GRID2: variants seen among roughly 807,000 people sequenced by gnomAD.
GRID2 encodes the protein glutamate ionotropic receptor delta type subunit 2, also known as glutamate receptor ionotropic, delta-2.
Under a neutral mutation model 114.8 loss-of-function variants are expected in GRID2, and 33 were observed. The ratio of observed to expected loss-of-function variants is 0.29; its 90% CI spans 0.22 to 0.38. The LOEUF (loss-of-function observed/expected upper bound fraction) is 0.38, where lower values mean the gene tolerates loss of function less well. GRID2 is among the 10% of genes least tolerant of loss of function. GRID2 has a pLI of 1.00. For missense variants in GRID2, 1,184 were observed against 1,257.7 expected, an observed-to-expected ratio of 0.94 and a Z score of 0.89; for synonymous variants, 505 against 449.9, an observed-to-expected ratio of 1.12 and a Z score of -1.55.
intron 1 of GRID2, among the ~76,000 whole-genome samples, chr4:92,323,411 G>A (rs1726423424): frequency 6.6e-6 from 1 of 151,900 alleles, no homozygotes; most frequent in Admixed American, 6.6e-5. Flanking sequence ...TTTTGTCTCA[G>A]GTGTGCCCTT....
At chr4:92,615,482 G>A (rs952973002) in intron 2 of GRID2, among the ~76,000 whole-genome samples, 9 of 151,516 alleles carry the variant, frequency 5.9e-5, no homozygotes, top group Non-Finnish European at 8.9e-5. Flanking sequence ...GCAGTTCATC[G>A]TTATACCATC....
chr4:93,343,680 A>AG (rs1759892591), intron 8 of GRID2, among the ~76,000 whole-genome samples: 1 of 151,696 alleles, frequency 6.6e-6, no homozygotes, highest in Non-Finnish European at 1.5e-5. Flanking sequence ...CATCAAAAAA[A>AG]TTTTTTTAAA....
At chr4:93,513,573 C>T (rs745877109) in intron 12 of GRID2, among the ~76,000 whole-genome samples, 18 of 152,060 alleles carry the variant, frequency 1.2e-4, no homozygotes, top group Non-Finnish European at 2.2e-4. Context: ...TGGTAGAATC[C>T]GTTCAATATT....
intron 2 of GRID2, among the ~76,000 whole-genome samples, chr4:92,940,299 T>C (rs889630409): frequency 6.8e-6 from 1 of 147,088 alleles, no homozygotes; most frequent in African/African-American, 2.4e-5. Flanking sequence ...GTAAATTGGA[T>C]TCCTAGGTAT....
At chr4:92,766,478 G>A (rs958024415) in intron 2 of GRID2, among the ~76,000 whole-genome samples, 8 of 150,274 alleles carry the variant, frequency 5.3e-5, no homozygotes, top group East Asian at 4.0e-4. Context: ...TGGAGCTTGC[G>A]GTGAGCCGAG....
intron 1 of GRID2, among the ~76,000 whole-genome samples, chr4:92,433,062 G>A (rs1010138941): frequency 3.3e-5 from 5 of 152,220 alleles, no homozygotes; most frequent in African/African-American, 9.6e-5. Flanking sequence ...GACCTGGGAT[G>A]GGGGCCTCTG....
intron 2 of GRID2, among the ~76,000 whole-genome samples, chr4:92,921,654 G>C (rs1050878472): frequency 2.0e-5 from 3 of 152,172 alleles, no homozygotes; most frequent in African/African-American, 4.8e-5. Context: ...GGAGGCTGCA[G>C]AACAGCGGCT....
Position 92,665,768 on chromosome 4 carries a change from G to T in GRID2, c.244+75482G>T, listed in dbSNP as rs1732741515. ...ATAGTCCATTGCCTTCTAGACTGCAGTTTCTGATGAGAAATCTACTGATAG... is the reference window on the plus strand; with the variant it reads ...ATAGTCCATTGCCTTCTAGACTGCATTTTCTGATGAGAAATCTACTGATAG... On this transcript the variant is annotated intron_variant, in intron 2 of 15. Coordinates refer to ENST00000282020, the MANE Select transcript of GRID2 (RefSeq NM_001510.4). Among the ~76,000 whole-genome samples, 4 of 150,728 alleles carry T rather than the reference G, an allele frequency of 2.7e-5. No homozygotes were observed. In the South Asian group the frequency reaches 8.3e-4, roughly 31 times the overall value.
At chr4:93,375,868 TG>T (rs1374842266) in intron 8 of GRID2, among the ~76,000 whole-genome samples, 2 of 152,192 alleles carry the variant, frequency 1.3e-5, no homozygotes, top group Middle Eastern at 3.2e-3. Flanking sequence ...TAGAGGCTAC[TG>T]TAACAAAATT....
intron 2 of GRID2, among the ~76,000 whole-genome samples, chr4:92,878,620 C>T (rs1464678367): frequency 5.9e-5 from 9 of 152,110 alleles, no homozygotes; most frequent in Admixed American, 5.9e-4. Flanking sequence ...ACAGTGACAT[C>T]TGTTTTATGA....
chr4:93,785,501 C>A (rs1043468672), intron 1 of GRID2, among the ~76,000 whole-genome samples: 16 of 152,044 alleles, frequency 1.1e-4, no homozygotes, highest in African/African-American at 3.6e-4. Flanking sequence ...AGCCAGAGGG[C>A]ACGATTTGTT....
chr4:92,785,899 C>T (rs937176972), intron 2 of GRID2, among the ~76,000 whole-genome samples: 2 of 151,654 alleles, frequency 1.3e-5, no homozygotes, highest in African/African-American at 2.4e-5. Flanking sequence ...ATCATGGAAG[C>T]GTTTCTTGTT....
intron 11 of GRID2, among the ~76,000 whole-genome samples, chr4:93,463,496 A>G (rs576601304): frequency 1.2e-3 from 181 of 152,350 alleles, no homozygotes; most frequent in African/African-American, 4.3e-3. Flanking sequence ...TGAGGCAGAA[A>G]TCATATTTCT....
intron 1 of GRID2, among the ~76,000 whole-genome samples, chr4:92,483,660 A>G (rs1480880227): frequency 6.6e-6 from 1 of 152,188 alleles, no homozygotes; most frequent in Non-Finnish European, 1.5e-5. Flanking sequence ...TGTCTGGAGA[A>G]TAGGATCTGG....
At chr4:92,876,202 G>C (rs533131674) in intron 2 of GRID2, among the ~76,000 whole-genome samples, 1 of 151,484 alleles carries the variant, frequency 6.6e-6, no homozygotes, top group African/African-American at 2.4e-5. Flanking sequence ...TATGTATTTT[G>C]ACAGTGTGGA....
At chr4:92,805,387 A>T (rs1740361220) in intron 2 of GRID2, among the ~76,000 whole-genome samples, 2 of 152,006 alleles carry the variant, frequency 1.3e-5, no homozygotes, top group African/African-American at 4.8e-5. Flanking sequence ...ATAAAAAGAG[A>T]ATTGTGGTCA....
intron 2 of GRID2, among the ~76,000 whole-genome samples, chr4:93,014,830 C>T (rs1395654794): frequency 6.6e-6 from 1 of 152,064 alleles, no homozygotes; most frequent in South Asian, 2.1e-4. Context: ...ACTTGTTTTG[C>T]TGTAAGAACA....
chr4:92,574,108 A>G (rs962904192), intron 1 of GRID2, among the ~76,000 whole-genome samples: 1 of 151,932 alleles, frequency 6.6e-6, no homozygotes, highest in Non-Finnish European at 1.5e-5. Flanking sequence ...CTGTTTTGTC[A>G]GAAACTAGGA....
rs548400699 is a variant in GRID2, at chr4:92,392,947, A to T, written c.88+88203A>T. On this transcript the variant is annotated intron_variant, in intron 1 of 15. Coordinates refer to ENST00000282020, the MANE Select transcript of GRID2 (RefSeq NM_001510.4). ...GCATTGCTATAAAGAAATATGTGAG[A>T]CTGGATAACTTACAAGAAAAGAGGT... 4.6e-5 allele frequency among the ~76,000 whole-genome samples: 7 copies of T among 152,268 alleles called. No individual in the cohort carries two copies. The South Asian group carries it at 1.4e-3, about 32-fold the overall frequency.
Sources: allele counts gnomAD v4.1 joint callset (sites outside exome capture counted in the v4.1 genomes callset), GRCh38; gene constraint gnomAD v4.1.1; transcripts MANE v1.5; gene names NCBI Gene and HGNC (gene_info 2026-07-23, HGNC 2026-07-21).